Variants in MICU2 observed in about 807,000 individuals in gnomAD.
The protein encoded by MICU2 is mitochondrial calcium uptake 2, also known as calcium uptake protein 2, mitochondrial.
Under a neutral mutation model 60.4 loss-of-function variants are expected in MICU2, and 64 were observed. The ratio of observed to expected loss-of-function variants is 1.06; its 90% CI spans 0.87 to 1.31. The LOEUF (loss-of-function observed/expected upper bound fraction) is 1.31, where lower values mean the gene tolerates loss of function less well. Ranked by LOEUF, MICU2 falls within the 50% of genes most tolerant of loss-of-function variation. MICU2 has a pLI of 0.00. For missense variants in MICU2, 569 were observed against 531.0 expected (o/e 1.07, Z -0.70); for synonymous variants, 201 against 175.0 (o/e 1.15, Z -1.17).
In MICU2 at chr13:21,537,340, CTT is replaced by C. The variant is rs556436454; in HGVS notation, c.466+1960_466+1961del. ...CTCATTCTTTCATAATCTATGTTCT[CTT>C]CTAGTCCTTGAAGGATTCCCAGAAG... is the stretch of plus-strand genomic sequence containing the variant. On this transcript the variant is annotated intron_variant, in intron 4 of 11. Coordinates refer to ENST00000382374, the MANE Select transcript of MICU2 (RefSeq NM_152726.3). Among the ~76,000 whole-genome samples the C allele has an allele frequency of 1.3e-4, 20 of 152,280 alleles. No individual in the cohort carries two copies. In the South Asian group the frequency reaches 4.1e-3, roughly 32 times the overall value.
chr13:21,547,448 G>A (rs1887442989), intron 2 of MICU2, among the ~76,000 whole-genome samples: 1 of 152,176 alleles, frequency 6.6e-6, no homozygotes, highest in Non-Finnish European at 1.5e-5. Context: ...CTGCTGAAAT[G>A]TTATCAGACT....
intron 2 of MICU2, among the ~76,000 whole-genome samples, chr13:21,558,099 T>A (rs1020180509): frequency 1.3e-5 from 2 of 152,184 alleles, no homozygotes; most frequent in Non-Finnish European, 2.9e-5. Flanking sequence ...CTATTAACAA[T>A]TCCCTGCTCC....
chr13:21,603,142 G>T (rs1454604646), intron 1 of MICU2, among the ~76,000 whole-genome samples: 1 of 151,940 alleles, frequency 6.6e-6, no homozygotes, highest in Non-Finnish European at 1.5e-5. Flanking sequence ...AGACCGGGGG[G>T]GCGGGGCTGG....
In MICU2 at chr13:21,604,073, G is replaced by A; in HGVS notation, c.76C>T (p.Arg26Ter). Residue 26 changes from arginine to a stop codon, truncating the protein, a stop_gained, in exon 1 of 12, where the codon CGA becomes TGA. Transcript: ENST00000382374. LOFTEE classifies it high-confidence loss of function. ...GGGCCGGGACTCCGCACAGCCTGTC[G>A]GCTGACAGCGAGCCCCCGTCGCAGT... Reference protein sequence around the residue: ...GKLRRGLAVSRQAVRSPGPLA... With the variant: ...GKLRRGLAVS The A allele has an allele frequency of 6.2e-7, 1 of 1,600,294 alleles. No individual in the cohort carries two copies.
intron 2 of MICU2, among the ~76,000 whole-genome samples, chr13:21,549,868 T>C (rs1196204601): frequency 6.6e-6 from 1 of 152,214 alleles, no homozygotes; most frequent in African/African-American, 2.4e-5. Context: ...GCATCTGTTC[T>C]GTGACCCATT....
intron 8 of MICU2, among the ~76,000 whole-genome samples, chr13:21,508,934 T>A (rs1886360848): frequency 6.6e-6 from 1 of 152,220 alleles, no homozygotes; most frequent in Non-Finnish European, 1.5e-5. Context: ...CTGACTACAA[T>A]GTATTTAAAT....
intron 4 of MICU2, among the ~76,000 whole-genome samples, chr13:21,538,950 TCTCTGCTTGGCTTCTGTGATAACA>T (rs1247160171): frequency 1.3e-5 from 2 of 152,132 alleles, no homozygotes; most frequent in Admixed American, 6.5e-5. Flanking sequence ...TTTAACACTT[TCTCTGCTTGGCTTCTGTGATAACA>T]CTCTCCTGGC....
chr13:21,504,754 G>A (rs949538137), intron 8 of MICU2, among the ~76,000 whole-genome samples: 10 of 152,124 alleles, frequency 6.6e-5, no homozygotes, highest in Non-Finnish European at 8.8e-5. Context: ...GGAGTGGCGC[G>A]TACAGGCTGT....
chr13:21,507,467 T>A (rs1886316920), intron 8 of MICU2, among the ~76,000 whole-genome samples: 1 of 152,140 alleles, frequency 6.6e-6, no homozygotes, highest in South Asian at 2.1e-4. Flanking sequence ...ATTGAGAGAC[T>A]GATATTTTAA....
At chr13:21,601,958 A>G (rs1030136194) in intron 1 of MICU2, among the ~76,000 whole-genome samples, 2 of 151,724 alleles carry the variant, frequency 1.3e-5, no homozygotes, top group Non-Finnish European at 2.9e-5. Flanking sequence ...ACAAAAAAAA[A>G]TTAGCTGGAC....
intron 4 of MICU2, among the ~76,000 whole-genome samples, chr13:21,530,468 C>CA (rs68140040): frequency 0.96 from 142,174 of 147,752 alleles, 68,550 homozygotes; most frequent in East Asian, 1. Context: ...AATTCTCCTT[C>CA]AAAAAAAAAA....
intron 4 of MICU2, chr13:21,531,035 T>C: frequency 1.1e-6 from 1 of 910,816 alleles, no homozygotes; most frequent in Non-Finnish European, 1.8e-6. Context: ...TGAAAGGGAT[T>C]TTGCAGGATC....
intron 1 of MICU2, chr13:21,603,713 A>G (rs1593365319): frequency 1.8e-6 from 1 of 570,578 alleles, no homozygotes; most frequent in Non-Finnish European, 3.1e-6. Flanking sequence ...GGTTCTCCCA[A>G]GGGAGGCAGA....
chr13:21,551,942 T>C (rs963999923), intron 2 of MICU2, among the ~76,000 whole-genome samples: 3 of 152,274 alleles, frequency 2.0e-5, no homozygotes, highest in African/African-American at 7.2e-5. Context: ...CCTTTGGGTA[T>C]ATGCCCAGTA....
chr13:21,509,845 T>C (rs998174023), intron 8 of MICU2, among the ~76,000 whole-genome samples, 159 bp downstream of exon 8: 4 of 152,240 alleles, frequency 2.6e-5, no homozygotes, highest in Non-Finnish European at 5.9e-5. Context: ...TTCTATTTCA[T>C]AGGTTTAGTT....
intron 6 of MICU2, among the ~76,000 whole-genome samples, chr13:21,517,787 ACACACACACACACGCGCGCGCGCGCG>A (rs980229220): frequency 8.4e-5 from 8 of 95,094 alleles, no homozygotes; most frequent in African/African-American, 3.2e-4. Context: ...ACACACACAC[ACACACACACACACGCGCGCGCGCGCG>A]CACACGCGCT....
At chr13:21,507,606 AT>A (rs111726011) in intron 8 of MICU2, among the ~76,000 whole-genome samples, 185 of 141,896 alleles carry the variant, frequency 1.3e-3, no homozygotes, top group Middle Eastern at 7.7e-3. Context: ...AGAAACTTAG[AT>A]TTTTTTTTTT....
intron 4 of MICU2, among the ~76,000 whole-genome samples, chr13:21,533,049 G>C (rs1015021636): frequency 1.3e-5 from 2 of 152,162 alleles, no homozygotes; most frequent in African/African-American, 4.8e-5. Context: ...AGCAAATACA[G>C]AGACATGGGC....
chr13:21,554,970 G>A (rs1366617801), intron 2 of MICU2, among the ~76,000 whole-genome samples: 1 of 152,098 alleles, frequency 6.6e-6, no homozygotes, highest in Non-Finnish European at 1.5e-5. Context: ...ACTAAATCAG[G>A]AAGAAGTTGA....
Sources: allele counts gnomAD v4.1 joint callset (sites outside exome capture counted in the v4.1 genomes callset), GRCh38; gene constraint gnomAD v4.1.1; transcripts MANE v1.5; gene names NCBI Gene and HGNC (gene_info 2026-07-23, HGNC 2026-07-21).